The following MARCHF8 variants were observed in gnomAD, a reference collection of about 807,000 sequenced individuals.
The protein encoded by MARCHF8 is E3 ubiquitin-protein ligase MARCHF8.
MARCHF8 carries 40 observed loss-of-function variants against 51.6 expected under a neutral mutation model. The observed-to-expected ratio is 0.77, with a 90% CI of 0.60 to 1.01. The LOEUF is 1.01. Ranked by LOEUF, MARCHF8 falls within the 50% of genes least tolerant of loss-of-function variation. MARCHF8 has a pLI of 0.00. For missense variants in MARCHF8, 685 were observed against 708.6 expected (o/e 0.97, Z 0.38); for synonymous variants, 263 against 280.3 (o/e 0.94, Z 0.62).
chr10:45,496,026 T>A (rs774666299), intron 2 of MARCHF8, among the ~76,000 whole-genome samples: 1 of 150,870 alleles, frequency 6.6e-6, no homozygotes, highest in Non-Finnish European at 1.5e-5. Context: ...TGGAAGGACA[T>A]AAAGAACTCA....
intron 3 of MARCHF8, among the ~76,000 whole-genome samples, chr10:45,475,469 G>A (rs1471872778): frequency 1.3e-5 from 2 of 152,150 alleles, no homozygotes; most frequent in Non-Finnish European, 2.9e-5. Flanking sequence ...TGGGGACTGC[G>A]CAGCCCATTC....
chr10:45,593,884 T>C (rs758105490), intron 1 of MARCHF8, among the ~76,000 whole-genome samples: 2 of 152,180 alleles, frequency 1.3e-5, no homozygotes, highest in East Asian at 3.8e-4. Context: ...AATTAAAAAA[T>C]ACACAAAACA....
At chr10:45,480,801 A>G (rs1297888422) in intron 3 of MARCHF8, among the ~76,000 whole-genome samples, 1 of 152,220 alleles carries the variant, frequency 6.6e-6, no homozygotes, top group Non-Finnish European at 1.5e-5. Flanking sequence ...GGGCAGTGTG[A>G]AAGGGAAATG....
At chr10:45,584,929 C>T (rs534175116) in intron 1 of MARCHF8, among the ~76,000 whole-genome samples, 7 of 152,152 alleles carry the variant, frequency 4.6e-5, no homozygotes, top group Non-Finnish European at 1.0e-4. Flanking sequence ...ACACATGGAC[C>T]TCAGTCCTAC....
rs1053083723 is a variant in MARCHF8, at chr10:45,456,335, C to G, written c.*1904G>C. 2.6e-5 allele frequency: 4 copies of G among 152,494 alleles called. No individual in the cohort carries two copies. Among genetic ancestry groups the G allele is most frequent in the African/African-American group, 4.8e-5 (2 of 41,438 alleles). The allele number at this position is 152,494 out of a possible 1,614,324, so 9.4% of individuals were successfully genotyped here. On this transcript the variant is annotated 3_prime_UTR_variant, in exon 8 of 8. Transcript: ENST00000453424. ...GACAGAAAGGAGAGGCTGACCTATT[C>G]TCAGGAGCTGGCTATGGCTGGACAG...
chr10:45,511,432 T>C (rs1338800373), intron 2 of MARCHF8, among the ~76,000 whole-genome samples: 1 of 152,162 alleles, frequency 6.6e-6, no homozygotes, highest in African/African-American at 2.4e-5. Flanking sequence ...TCTCCCTCTC[T>C]TTCCACGGTC....
chr10:45,585,097 T>C (rs149935539), intron 1 of MARCHF8, among the ~76,000 whole-genome samples: 1 of 152,336 alleles, frequency 6.6e-6, no homozygotes, highest in Non-Finnish European at 1.5e-5. Context: ...ATTTCTGACC[T>C]ATAGGACCAT....
chr10:45,546,455 G>A (rs1044912514), intron 1 of MARCHF8, among the ~76,000 whole-genome samples: 5 of 152,156 alleles, frequency 3.3e-5, no homozygotes, highest in Admixed American at 1.3e-4. Flanking sequence ...GAGCCACAGC[G>A]CCCGGTCATG....
intron 2 of MARCHF8, among the ~76,000 whole-genome samples, chr10:45,521,958 T>C (rs891236154): frequency 2.0e-5 from 3 of 152,158 alleles, no homozygotes; most frequent in Non-Finnish European, 4.4e-5. Context: ...TAGAAAATAT[T>C]CAGCTTTCCC....
chr10:45,592,210 T>C (rs149776971), intron 1 of MARCHF8, among the ~76,000 whole-genome samples: 12 of 152,192 alleles, frequency 7.9e-5, no homozygotes, highest in African/African-American at 2.9e-4. Flanking sequence ...GAGTTTAAAA[T>C]TACACTCCTT....
chr10:45,557,243 TTCAGCCTCC>T (rs2044262472), intron 1 of MARCHF8, among the ~76,000 whole-genome samples: 1 of 150,592 alleles, frequency 6.6e-6, no homozygotes, highest in African/African-American at 2.4e-5. Flanking sequence ...TTCTCCTTGC[TTCAGCCTCC>T]CGAGTAGCTG....
At chr10:45,509,026 A>G (rs1409187732) in intron 2 of MARCHF8, among the ~76,000 whole-genome samples, 2 of 152,180 alleles carry the variant, frequency 1.3e-5, no homozygotes, top group African/African-American at 4.8e-5. Context: ...TGTTTCCCTC[A>G]GAGCCTTTTC....
rs1362126777 is a variant in MARCHF8 at position 45,456,142 on chromosome 10, G to C, written c.*2097C>G. ...GGCAGGAACAAGTATACAAAACCAG[G>C]GGCCTTGCCTGGGCAGTTCCTAAGG... On this transcript the variant is annotated 3_prime_UTR_variant, in exon 8 of 8. Transcript: ENST00000453424. 1 of 152,306 alleles carries C rather than the reference G, an allele frequency of 6.6e-6. No homozygotes were observed. Among genetic ancestry groups the C allele is most frequent in the South Asian group, 2.1e-4 (1 of 4,832 alleles). 9.4% of individuals were successfully genotyped at this position (152,306 alleles called of 1,614,324 possible). A position where few individuals can be genotyped will look rare whatever the true frequency, so the allele number is the denominator to read the frequency against.
intron 2 of MARCHF8, among the ~76,000 whole-genome samples, chr10:45,497,611 T>C (rs973285645): frequency 1.3e-5 from 2 of 152,194 alleles, no homozygotes; most frequent in Admixed American, 6.5e-5. Context: ...TTAAATGTTA[T>C]TGTTTATCAA....
chr10:45,551,325 G>A (rs1408193132), intron 1 of MARCHF8, among the ~76,000 whole-genome samples: 1 of 152,166 alleles, frequency 6.6e-6, no homozygotes, highest in Non-Finnish European at 1.5e-5. Context: ...TGCAGATTGG[G>A]AGTGGGAAGA....
chr10:45,591,926 C>T (rs12779005), intron 1 of MARCHF8, among the ~76,000 whole-genome samples: 9,370 of 152,258 alleles, frequency 0.062, 321 homozygotes, highest in Non-Finnish European at 0.066. Context: ...CAGAGATTTT[C>T]TTCCATATAT....
At chr10:45,591,734 A>C (rs2044683458) in intron 1 of MARCHF8, among the ~76,000 whole-genome samples, 1 of 151,368 alleles carries the variant, frequency 6.6e-6, no homozygotes, top group African/African-American at 2.5e-5. Flanking sequence ...AGAGCATCAC[A>C]GTGAACCAAA....
chr10:45,469,661 C>T (rs1012385274), intron 3 of MARCHF8, among the ~76,000 whole-genome samples: 2 of 151,740 alleles, frequency 1.3e-5, no homozygotes, highest in Admixed American at 6.6e-5. Context: ...GTCAGGAGAT[C>T]GAGACCATCC....
intron 1 of MARCHF8, among the ~76,000 whole-genome samples, chr10:45,571,451 C>T (rs2044427827): frequency 1.3e-5 from 2 of 152,178 alleles, no homozygotes. Context: ...AAAATGGCCC[C>T]ACCCTTTCTC....
Sources: allele counts gnomAD v4.1 joint callset (sites outside exome capture counted in the v4.1 genomes callset), GRCh38; gene constraint gnomAD v4.1.1; transcripts MANE v1.5; gene names NCBI Gene and HGNC (gene_info 2026-07-23, HGNC 2026-07-21).